Variants in ARHGEF3 observed in about 807,000 individuals in gnomAD.
ARHGEF3 encodes Rho guanine nucleotide exchange factor 3.
ARHGEF3 carries 28 observed loss-of-function variants against 63.2 expected under a neutral mutation model. The observed-to-expected ratio is 0.44, with a 90% CI of 0.33 to 0.61. ARHGEF3 has a LOEUF of 0.61. Among genes scored for constraint, ARHGEF3 ranks in the 20% least tolerant of loss-of-function variants. The pLI, the probability that ARHGEF3 is intolerant of heterozygous loss-of-function variation, is 0.03. For synonymous variants in ARHGEF3, 266 were observed against 254.2 expected (o/e 1.05, Z -0.44); for missense variants, 533 against 659.3 (o/e 0.81, Z 2.10).
At chr3:56,805,067 G>A (rs1023328253), upstream of ARHGEF3, among the ~76,000 whole-genome samples, 6 of 152,096 alleles carry the variant, frequency 3.9e-5, no homozygotes, top group Non-Finnish European at 5.9e-5. Context: ...TTGCTGGGCC[G>A]TGTTCTCAAG....
chr3:56,802,216 C>T (rs2037697144), upstream of ARHGEF3, among the ~76,000 whole-genome samples: 2 of 152,182 alleles, frequency 1.3e-5, no homozygotes, highest in Admixed American at 6.5e-5. Flanking sequence ...TCCTTTCGGG[C>T]TCTTTGGCAC....
intron 3 of ARHGEF3, among the ~76,000 whole-genome samples, chr3:56,924,203 A>G (rs2042221542): frequency 6.6e-6 from 1 of 152,228 alleles, no homozygotes; most frequent in African/African-American, 2.4e-5. Context: ...CACAAACTAA[A>G]TGATGTGTAA....
chr3:57,020,343 G>C (rs1703203575), intron 2 of ARHGEF3, among the ~76,000 whole-genome samples: 1 of 152,120 alleles, frequency 6.6e-6, no homozygotes, highest in South Asian at 2.1e-4. Context: ...ACCACAAAGG[G>C]GATCGCTGGC....
chr3:56,895,039 G>A (rs1471998128), intron 3 of ARHGEF3, among the ~76,000 whole-genome samples: 10 of 152,232 alleles, frequency 6.6e-5, no homozygotes, highest in East Asian at 3.9e-4. Flanking sequence ...TAAAGAAGGC[G>A]TACCCTGAAT....
intron 4 of ARHGEF3, among the ~76,000 whole-genome samples, chr3:56,863,860 C>T (rs2040158487): frequency 6.6e-6 from 1 of 152,076 alleles, no homozygotes; most frequent in Admixed American, 6.5e-5. Flanking sequence ...AAACTGAGAC[C>T]CAGAGAGGTG....
chr3:56,976,271 G>C (rs1701123560), intron 2 of ARHGEF3, among the ~76,000 whole-genome samples: 1 of 152,192 alleles, frequency 6.6e-6, no homozygotes, highest in Admixed American at 6.5e-5. Flanking sequence ...TTGGACTCCT[G>C]ACCTCAAGTG....
At position 56,842,132 on chromosome 3, in the gene ARHGEF3, T is replaced by C. The variant is rs970245868; in HGVS notation, c.192+40160A>G. Among the ~76,000 whole-genome samples the C allele has an allele frequency of 3.3e-5, 5 of 152,176 alleles. No individual in the cohort carries two copies. In the East Asian group the frequency reaches 9.6e-4, roughly 29 times the overall value. ...TACCAAGTTAGTTATGGAGGCAAAATTTGAACTCAGTTCCTCCCCAACGCC... is the reference window on the plus strand; with the variant it reads ...TACCAAGTTAGTTATGGAGGCAAAACTTGAACTCAGTTCCTCCCCAACGCC... On this transcript the variant is annotated intron_variant, in intron 4 of 12. Transcript: ENST00000338458.
intron 2 of ARHGEF3, among the ~76,000 whole-genome samples, chr3:57,016,387 CAAA>C (rs35905163): frequency 2.7e-5 from 4 of 147,714 alleles, no homozygotes; most frequent in African/African-American, 7.5e-5. Context: ...ACTAAAAATA[CAAA>C]AAAAAAAAAT....
At position 56,838,715 on chromosome 3, in the gene ARHGEF3, G is replaced by T. The variant is rs142975700; in HGVS notation, c.192+43577C>A. Among the ~76,000 whole-genome samples, 650 of 152,238 alleles carry T rather than the reference G, an allele frequency of 4.3e-3. 7 individuals carry two copies. Among genetic ancestry groups the T allele is most frequent in the African/African-American group, 0.015 (612 of 41,548 alleles). On this transcript the variant is annotated intron_variant, in intron 4 of 12. Coordinates refer to the ARHGEF3 transcript ENST00000338458. ...GAAATACTATGACGAGCTGACCTGA[G>T]AACTCAAAAAGCACAAATTCCCGGG... is the stretch of plus-strand genomic sequence containing the variant.
chr3:57,009,855 C>T (rs1265915927), intron 2 of ARHGEF3, among the ~76,000 whole-genome samples: 1 of 152,106 alleles, frequency 6.6e-6, no homozygotes, highest in East Asian at 1.9e-4. Context: ...TAATAGTGAG[C>T]AGCAACACAG....
intron 1 of ARHGEF3, 131 bp from the exon 2 acceptor site, chr3:56,773,947 C>A: frequency 2.8e-6 from 2 of 718,102 alleles, no homozygotes; most frequent in Non-Finnish European, 4.3e-6. Flanking sequence ...TAAAGTGTCA[C>A]GTCTCACTCT....
chr3:56,803,381 G>A (rs1015321773), upstream of ARHGEF3, among the ~76,000 whole-genome samples: 4 of 151,682 alleles, frequency 2.6e-5, no homozygotes, highest in South Asian at 8.3e-4. Context: ...AGAAGTTGCA[G>A]TGAGCCAAGA....
At position 56,986,553 on chromosome 3, in the gene ARHGEF3, C is replaced by T. The variant is rs117995621; in HGVS notation, c.63-27664G>A. 8.5e-5 allele frequency among the ~76,000 whole-genome samples: 13 copies of T among 152,150 alleles called. No homozygotes were observed. The East Asian group carries it at 2.3e-3, about 27-fold the overall frequency. On this transcript the variant is annotated intron_variant, in intron 2 of 12. Transcript: ENST00000338458. ...AGGCCGGAAGCAACAGCCCTGGGGA[C>T]GGTGCAGTTGGGAGTAAGGGGTTGG...
intron 3 of ARHGEF3, among the ~76,000 whole-genome samples, chr3:56,893,493 TA>T (rs2041191550): frequency 6.6e-6 from 1 of 152,122 alleles, no homozygotes; most frequent in East Asian, 1.9e-4. Flanking sequence ...TGCTGGGCTT[TA>T]TAACAACTGT....
At chr3:56,911,360 A>G (rs1277052557) in intron 3 of ARHGEF3, among the ~76,000 whole-genome samples, 1 of 152,176 alleles carries the variant, frequency 6.6e-6, no homozygotes, top group Non-Finnish European at 1.5e-5. Context: ...ATGGACAGAG[A>G]TATTCAGAAA....
chr3:56,845,042 A>C (rs1487421293), intron 4 of ARHGEF3, among the ~76,000 whole-genome samples: 2 of 152,252 alleles, frequency 1.3e-5, no homozygotes, highest in African/African-American at 4.8e-5. Context: ...CCCATGTGGC[A>C]AAGGGCTGAA....
intron 2 of ARHGEF3, among the ~76,000 whole-genome samples, chr3:56,999,540 C>T (rs904491314): frequency 1.3e-5 from 2 of 152,150 alleles, no homozygotes; most frequent in Admixed American, 1.3e-4. Context: ...ATTTTCCAGG[C>T]TCACACTGTA....
chr3:57,074,131 G>C, intron 1 of ARHGEF3: 1 of 1,614,040 alleles, frequency 6.2e-7, no homozygotes, highest in Non-Finnish European at 8.5e-7. Flanking sequence ...TGGTTGTGGA[G>C]ACTGTGTGAG....
intron 6 of ARHGEF3, among the ~76,000 whole-genome samples, chr3:56,747,906 T>G (rs994070733): frequency 6.6e-6 from 1 of 152,198 alleles, no homozygotes; most frequent in African/African-American, 2.4e-5. Context: ...CAAGCCTCAG[T>G]GTCTCCACCT....
Sources: gnomAD v4.1 joint callset for allele counts (sites outside exome capture counted in the v4.1 genomes callset) on GRCh38, gnomAD v4.1.1 for gene constraint, MANE v1.5 for transcripts, NCBI Gene and HGNC (gene_info 2026-07-23, HGNC 2026-07-21) for gene names.